The following CSMD1 variants were observed in gnomAD, a reference collection of about 807,000 sequenced individuals.
CSMD1 encodes the protein CUB and Sushi multiple domains 1, also known as CUB and sushi domain-containing protein 1.
CSMD1 carries 213 observed loss-of-function variants against 417.5 expected under a neutral mutation model. The ratio of observed to expected loss-of-function variants is 0.51; its 90% CI spans 0.46 to 0.57. The LOEUF (loss-of-function observed/expected upper bound fraction) is 0.57, where lower values mean the gene tolerates loss of function less well. CSMD1 is among the 20% of genes least tolerant of loss of function. The pLI, the probability that CSMD1 is intolerant of heterozygous loss-of-function variation, is 0.00. For missense variants in CSMD1, 6,923 were observed against 4,529.7 expected (o/e 1.53, Z -15.17); for synonymous variants, 2,862 against 1,736.8 (o/e 1.65, Z -16.11).
At position 4,602,341 on chromosome 8, in the gene CSMD1, T is replaced by A. The variant is rs116283973; in HGVS notation, c.302+35001A>T. ...GTCCGAAGCCAAACCAAATAGCAGA[T>A]AAGGAAGCTGAAACAGAAGCTTCTA... On this transcript the variant is annotated intron_variant, in intron 2 of 69. Coordinates refer to ENST00000635120, the MANE Select transcript of CSMD1 (RefSeq NM_033225.6). Among the ~76,000 whole-genome samples the A allele has an allele frequency of 7.1e-3, 1,075 of 152,150 alleles. 14 individuals are homozygous for A. Among genetic ancestry groups the A allele is most frequent in the African/African-American group, 0.025 (1,027 of 41,526 alleles).
At chr8:4,200,843 G>A (rs142348174) in intron 3 of CSMD1, among the ~76,000 whole-genome samples, 23 of 152,242 alleles carry the variant, frequency 1.5e-4, no homozygotes, top group East Asian at 5.8e-4. Flanking sequence ...GAGTGACAAA[G>A]TGAAACCCTG....
At chr8:4,294,995 G>A (rs1015415220) in intron 3 of CSMD1, among the ~76,000 whole-genome samples, 4 of 149,654 alleles carry the variant, frequency 2.7e-5, no homozygotes, top group East Asian at 4.0e-4. Context: ...CACCTGATCT[G>A]AACCCAATCT....
At chr8:3,412,125 TATATATAC>T (rs1294864701) in intron 12 of CSMD1, among the ~76,000 whole-genome samples, 1 of 129,508 alleles carries the variant, frequency 7.7e-6, no homozygotes, top group Non-Finnish European at 1.6e-5. Context: ...TATACACACG[TATATATAC>T]ATATATACAT....
chr8:4,842,515 T>G (rs1359619667), intron 1 of CSMD1, among the ~76,000 whole-genome samples: 1 of 152,192 alleles, frequency 6.6e-6, no homozygotes, highest in Non-Finnish European at 1.5e-5. Flanking sequence ...TACTAAAAAA[T>G]GTAGCAAGTG....
intron 3 of CSMD1, among the ~76,000 whole-genome samples, chr8:4,051,148 A>T (rs967220843): frequency 6.6e-6 from 1 of 152,156 alleles, no homozygotes; most frequent in Non-Finnish European, 1.5e-5. Context: ...AAAAAAGACC[A>T]GGAGTAGAAA....
chr8:3,779,586 C>G (rs1390577663), intron 5 of CSMD1, among the ~76,000 whole-genome samples: 1 of 152,144 alleles, frequency 6.6e-6, no homozygotes, highest in East Asian at 1.9e-4. Context: ...AGCAATTATG[C>G]TGCTGAATAA....
intron 1 of CSMD1, among the ~76,000 whole-genome samples, chr8:4,643,445 C>G (rs1648049124): frequency 6.6e-6 from 1 of 152,054 alleles, no homozygotes. Context: ...TACCTGTTGG[C>G]TTTTCTGGAA....
intron 5 of CSMD1, among the ~76,000 whole-genome samples, chr8:3,765,922 G>A (rs1380482034): frequency 3.3e-5 from 5 of 152,220 alleles, no homozygotes; most frequent in Non-Finnish European, 5.9e-5. Flanking sequence ...ACAGACTTGA[G>A]AGAAGGCTGT....
In CSMD1 at chr8:3,630,624, G is replaced by A. The variant is rs561352679; in HGVS notation, c.1010-13827C>T. ...GGGTGAAGTGTTGGGCTGGCATGCTGAGTGAGGGTTGAAGGGCAGCAGACA... is the reference window on the plus strand; with the variant it reads ...GGGTGAAGTGTTGGGCTGGCATGCTAAGTGAGGGTTGAAGGGCAGCAGACA... On this transcript the variant is annotated intron_variant, in intron 7 of 69. Coordinates refer to ENST00000635120, the MANE Select transcript of CSMD1 (RefSeq NM_033225.6). 5.9e-5 allele frequency among the ~76,000 whole-genome samples: 9 copies of A among 152,318 alleles called. No homozygotes were observed. In the East Asian group the frequency reaches 1.5e-3, roughly 26 times the overall value.
At chr8:3,787,721 T>G (rs1037563734) in intron 5 of CSMD1, among the ~76,000 whole-genome samples, 1 of 152,336 alleles carries the variant, frequency 6.6e-6, no homozygotes, top group East Asian at 1.9e-4. Context: ...TACATTACAT[T>G]TGTAAGAAAA....
At chr8:3,457,454 T>C (rs996342206) in intron 12 of CSMD1, among the ~76,000 whole-genome samples, 2 of 152,186 alleles carry the variant, frequency 1.3e-5, no homozygotes, top group African/African-American at 4.8e-5. Context: ...GAGCTCCACA[T>C]GCTCACATGT....
chr8:3,313,574 A>C (rs1563261546), intron 23 of CSMD1, among the ~76,000 whole-genome samples: 1 of 152,212 alleles, frequency 6.6e-6, no homozygotes, highest in Non-Finnish European at 1.5e-5. Context: ...ACTATCTCAC[A>C]CGAGTTAGAA....
intron 6 of CSMD1, among the ~76,000 whole-genome samples, chr8:3,723,920 C>G (rs1378708862): frequency 6.6e-6 from 1 of 152,094 alleles, no homozygotes; most frequent in East Asian, 1.9e-4. Context: ...GATGCAGATT[C>G]CATTTTGTAG....
chr8:3,269,630 C>T (rs1488772714), intron 26 of CSMD1, among the ~76,000 whole-genome samples: 1 of 152,104 alleles, frequency 6.6e-6, no homozygotes, highest in East Asian at 1.9e-4. Flanking sequence ...GCCATTTTTC[C>T]CTGGGACTGG....
chr8:4,776,022 G>C (rs1796837051), intron 1 of CSMD1, among the ~76,000 whole-genome samples: 1 of 152,114 alleles, frequency 6.6e-6, no homozygotes, highest in South Asian at 2.1e-4. Context: ...TCCAGGACTT[G>C]AGGGCAGTTT....
At chr8:3,849,288 A>C (rs796985172) in intron 5 of CSMD1, among the ~76,000 whole-genome samples, 2 of 152,128 alleles carry the variant, frequency 1.3e-5, no homozygotes, top group South Asian at 4.1e-4. Context: ...TGCACAGACA[A>C]AGATACAGGG....
intron 1 of CSMD1, among the ~76,000 whole-genome samples, chr8:4,757,501 A>G (rs528341047): frequency 4.3e-4 from 66 of 152,324 alleles, no homozygotes; most frequent in Non-Finnish European, 4.0e-4. Context: ...AGCTAGGCAC[A>G]CTGCAAGAGG....
intron 12 of CSMD1, among the ~76,000 whole-genome samples, chr8:3,443,259 T>C (rs1815103399): frequency 6.6e-6 from 1 of 152,118 alleles, no homozygotes; most frequent in Non-Finnish European, 1.5e-5. Flanking sequence ...CATCAATAGA[T>C]GGGTTGGAAG....
intron 2 of CSMD1, among the ~76,000 whole-genome samples, chr8:4,532,822 C>T (rs930591517): frequency 6.0e-5 from 9 of 150,694 alleles, no homozygotes; most frequent in South Asian, 2.1e-4. Flanking sequence ...AATCCTGCAC[C>T]CGCATTCAGT....
Sources: gnomAD v4.1 joint callset for allele counts (sites outside exome capture counted in the v4.1 genomes callset) on GRCh38, gnomAD v4.1.1 for gene constraint, MANE v1.5 for transcripts, NCBI Gene and HGNC (gene_info 2026-07-23, HGNC 2026-07-21) for gene names.